ZFR: variants seen among roughly 807,000 people sequenced by gnomAD.
ZFR encodes the protein zinc finger RNA-binding protein.
Under a neutral mutation model 130.7 loss-of-function variants are expected in ZFR, and 19 were observed. The observed-to-expected ratio is 0.15, with a 90% confidence interval of 0.10 to 0.21. The LOEUF is 0.21. Ranked by LOEUF, ZFR falls within the 10% of genes least tolerant of loss-of-function variation. The pLI is 1.00. For missense variants in ZFR, 872 were observed against 1,321.5 expected (o/e 0.66, Z 5.27); for synonymous variants, 466 against 456.9 (o/e 1.02, Z -0.25).
Position 32,417,676 on chromosome 5 carries a change from A to T in ZFR, c.537T>A (p.Pro179=), listed in dbSNP as rs1753856710. The T allele has an allele frequency of 6.2e-7, 1 of 1,613,814 alleles. No homozygotes were observed. Among genetic ancestry groups the T allele is most frequent in the East Asian group, 2.2e-5 (1 of 44,890 alleles). ...TCTGATAGTAAGTTTCAGCAACAGA[A>T]GGCTGAGGTTGGGCAGCGGCAGCTA... The part of the protein sequence containing the change: ...AAVAAAAQPQ[P]SVAETYYQTA... Residue 179 remains proline, a synonymous_variant, in exon 4 of 20, where the codon CCT becomes CCA. Transcript: ENST00000265069.
At chr5:32,380,838 C>T (rs1229716118) in intron 15 of ZFR, among the ~76,000 whole-genome samples, 3 of 151,326 alleles carry the variant, frequency 2.0e-5, no homozygotes, top group African/African-American at 7.3e-5. Flanking sequence ...TTAGTAGAGA[C>T]GAAGTTTCAC....
intron 14 of ZFR, 90 bp downstream of exon 14, chr5:32,387,459 T>A: frequency 1.4e-6 from 2 of 1,462,324 alleles, no homozygotes; most frequent in Non-Finnish European, 1.8e-6. Context: ...TTTTAAAGGC[T>A]GGCTTAGGTT....
At chr5:32,372,992 AT>A (rs1337388052) in intron 17 of ZFR, among the ~76,000 whole-genome samples, 4 of 152,248 alleles carry the variant, frequency 2.6e-5, no homozygotes, top group Non-Finnish European at 5.9e-5. Context: ...AACCCTTTAA[AT>A]TCCAAAAATT....
At chr5:32,363,208 AGCTAGTAT>A (rs1394783337) in intron 19 of ZFR, among the ~76,000 whole-genome samples, 1 of 152,226 alleles carries the variant, frequency 6.6e-6, no homozygotes, top group African/African-American at 2.4e-5. Flanking sequence ...TACTGTTCAT[AGCTAGTAT>A]GCTTTTTTCC....
At chr5:32,378,732 G>A (rs1752879002) in intron 17 of ZFR, among the ~76,000 whole-genome samples, 1 of 151,524 alleles carries the variant, frequency 6.6e-6, no homozygotes, top group Non-Finnish European at 1.5e-5. Flanking sequence ...ATGTATTTCT[G>A]AATTTTTACA....
chr5:32,415,515 T>TGTGTGCGC (rs1326041688), intron 4 of ZFR, among the ~76,000 whole-genome samples: 100 of 97,984 alleles, frequency 1.0e-3, no homozygotes, highest in Non-Finnish European at 1.4e-3. Flanking sequence ...TGTGTGTGTG[T>TGTGTGCGC]GCGCGCGCGC....
At chr5:32,438,253 A>ATTT (rs869249272) in intron 2 of ZFR, among the ~76,000 whole-genome samples, 1,263 of 61,022 alleles carry the variant, frequency 0.021, 211 homozygotes, top group African/African-American at 0.083. Flanking sequence ...TTATCTGAAA[A>ATTT]TTTTTTTTTT....
intron 5 of ZFR, among the ~76,000 whole-genome samples, chr5:32,409,433 A>AT (rs771076512): frequency 0.022 from 3,077 of 138,312 alleles, 55 homozygotes; most frequent in Non-Finnish European, 0.034. Flanking sequence ...CCACCCCCCC[A>AT]TTTTTTTTTT....
At chr5:32,424,358 C>T (rs748939602) in intron 2 of ZFR, among the ~76,000 whole-genome samples, 9 of 152,038 alleles carry the variant, frequency 5.9e-5, no homozygotes, top group Middle Eastern at 6.8e-3. Context: ...GGTGAAAGCC[C>T]GTCTCTATTA....
intron 17 of ZFR, among the ~76,000 whole-genome samples, chr5:32,370,523 C>A (rs1287634889): frequency 6.6e-6 from 1 of 152,032 alleles, no homozygotes; most frequent in African/African-American, 2.4e-5. Flanking sequence ...CAGGTGTGCG[C>A]CATCTCATCC....
chr5:32,426,553 A>G (rs996531237), intron 2 of ZFR, among the ~76,000 whole-genome samples: 1 of 152,230 alleles, frequency 6.6e-6, no homozygotes, highest in African/African-American at 2.4e-5. Flanking sequence ...TACTGCTTCT[A>G]TTCAACACAG....
intron 2 of ZFR, among the ~76,000 whole-genome samples, chr5:32,438,059 A>T (rs1286243756): frequency 6.6e-6 from 1 of 152,066 alleles, no homozygotes; most frequent in Non-Finnish European, 1.5e-5. Flanking sequence ...ACTCATGAAC[A>T]CAGTCCATCT....
intron 17 of ZFR, among the ~76,000 whole-genome samples, chr5:32,375,011 G>C (rs1309962016): frequency 6.6e-6 from 1 of 152,110 alleles, no homozygotes; most frequent in Admixed American, 6.6e-5. Flanking sequence ...ATTTGACAAA[G>C]AGCACAGAAA....
Position 32,417,703 on chromosome 5 carries a change from A to G in ZFR, c.510T>C (p.Ala170=), listed in dbSNP as rs1309572021. Reference sequence around the variant, plus strand: ...GCTGAGGTTGGGCAGCGGCAGCTACAGCAGCAGCAGTTGCTGTTGGTTGTT... The same window carrying G: ...GCTGAGGTTGGGCAGCGGCAGCTACGGCAGCAGCAGTTGCTGTTGGTTGTT... ...YYQQPTATAA[A]VAAAAQPQPS... Residue 170 remains alanine, a synonymous_variant, in exon 4 of 20, where the codon GCT becomes GCC. Coordinates refer to ENST00000265069, the MANE Select transcript of ZFR (RefSeq NM_016107.5). The G allele has an allele frequency of 1.2e-6, 2 of 1,613,924 alleles. No homozygotes were observed. Among genetic ancestry groups the G allele is most frequent in the Admixed American group, 3.3e-5 (2 of 60,024 alleles).
chr5:32,426,965 AT>A lies in ZFR; in HGVS notation c.138-6863del, dbSNP rs1416906886. 3.9e-5 allele frequency among the ~76,000 whole-genome samples: 6 copies of A among 152,106 alleles called. No individual in the cohort carries two copies. The East Asian group carries it at 1.2e-3, about 29-fold the overall frequency. On this transcript the variant is annotated intron_variant, in intron 2 of 19. Coordinates refer to ENST00000265069, the MANE Select transcript of ZFR (RefSeq NM_016107.5). ...AAGCCATCTGTTCACAGATGACATC[AT>A]TTTATACATGGAAAACACTAAACAC...
At chr5:32,358,624 C>T (rs992284108) in intron 19 of ZFR, among the ~76,000 whole-genome samples, 3 of 151,572 alleles carry the variant, frequency 2.0e-5, no homozygotes, top group Admixed American at 1.3e-4. Context: ...GGCGAGACTC[C>T]GTCTCAAAGA....
intron 2 of ZFR, among the ~76,000 whole-genome samples, chr5:32,431,638 C>T (rs1409261337): frequency 6.6e-6 from 1 of 152,062 alleles, no homozygotes; most frequent in Non-Finnish European, 1.5e-5. Flanking sequence ...GCACATGAAA[C>T]ACAATCTGAC....
chr5:32,360,138 A>G (rs1752400422), intron 19 of ZFR, among the ~76,000 whole-genome samples: 1 of 152,078 alleles, frequency 6.6e-6, no homozygotes, highest in South Asian at 2.1e-4. Context: ...TACCCACTTA[A>G]CCTAATTCAA....
chr5:32,397,827 T>C (rs1358766514), intron 9 of ZFR, among the ~76,000 whole-genome samples: 3 of 147,100 alleles, frequency 2.0e-5, no homozygotes, highest in Non-Finnish European at 3.0e-5. Context: ...CAAGATGTGA[T>C]AGCATGTGTT....
Sources: gnomAD v4.1 joint callset for allele counts (sites outside exome capture counted in the v4.1 genomes callset) on GRCh38, gnomAD v4.1.1 for gene constraint, MANE v1.5 for transcripts, NCBI Gene and HGNC (gene_info 2026-07-23, HGNC 2026-07-21) for gene names.